Variants in MTFR2 observed in about 807,000 individuals in gnomAD.
MTFR2 encodes mitochondrial fission regulator 2.
MTFR2 carries 44 observed loss-of-function variants against 41.2 expected under a neutral mutation model. The ratio of observed to expected loss-of-function variants is 1.07; its 90% CI spans 0.84 to 1.37. The LOEUF is 1.37. MTFR2 is among the 40% of genes most tolerant of loss of function. The pLI is 0.00. For synonymous variants in MTFR2, 141 were observed against 154.6 expected, an observed-to-expected ratio of 0.91 and a Z score of 0.65; for missense variants, 452 against 459.5, an observed-to-expected ratio of 0.98 and a Z score of 0.15.
At chr6:136,233,197 C>A (rs1274897479) in intron 7 of MTFR2, 128 bp downstream of exon 7, 1 of 671,398 alleles carries the variant, frequency 1.5e-6, no homozygotes, top group Non-Finnish European at 2.3e-6. Flanking sequence ...GAAACATTAG[C>A]AGCATCAATA....
intron 6 of MTFR2, among the ~76,000 whole-genome samples, chr6:136,238,737 T>TA (rs1214366236): frequency 7.3e-5 from 11 of 151,394 alleles, no homozygotes; most frequent in African/African-American, 2.2e-4. Context: ...TTATTAACTC[T>TA]AAAAAAATTA....
chr6:136,237,782 C>T (rs1314440379), intron 6 of MTFR2, among the ~76,000 whole-genome samples: 2 of 151,710 alleles, frequency 1.3e-5, no homozygotes, highest in East Asian at 3.9e-4. Flanking sequence ...TGCCACTGCA[C>T]TCCAGCCCGG....
rs906886239 is a variant in MTFR2, at chr6:136,233,373, C to A, written c.996G>T (p.Glu332Asp). 2.5e-6 allele frequency: 4 copies of A among 1,612,368 alleles called. No individual in the cohort carries two copies. The highest frequency in any genetic ancestry group is 3.4e-6 in the Non-Finnish European group (4 of 1,179,060). ...AFQEDDSFEKENRSWESSPFS... is the reference protein window; with the variant it reads ...AFQEDDSFEKDNRSWESSPFS... ...ATGGGGAAGATTCCCAAGATCTATT[C>A]TCTTTCTCAAAAGAATCATCTTCTT... Residue 332 changes from glutamate to aspartate, a missense_variant, in exon 7 of 8, where the codon GAG becomes GAT. Physicochemically the swap from Glu to Asp is conservative, Grantham distance 45. Transcript: ENST00000420702.
At position 136,249,061 on chromosome 6, in the gene MTFR2, T is replaced by C. The variant is rs1780291389; in HGVS notation, c.39A>G (p.Glu13=). The part of the protein sequence containing the change: ...LILNILREML[E]YFGVPVEQVL... The stretch of plus-strand genomic sequence containing the variant: ...CCTGTTCTACAGGAACGCCAAAATA[T>C]TCCAGCATCTCTCTTAAGATATTCA... Residue 13 remains glutamate (E), a synonymous_variant, in exon 2 of 8, where the codon GAA becomes GAG. Transcript: ENST00000420702. The C allele has an allele frequency of 1.9e-6, 3 of 1,599,246 alleles. No individual in the cohort carries two copies. In the African/African-American group the frequency reaches 4.1e-5, roughly 22 times the overall value.
chr6:136,239,774 T>C lies in MTFR2; in HGVS notation c.561A>G (p.Ser187=). 1.2e-6 allele frequency: 2 copies of C among 1,613,948 alleles called. No individual in the cohort carries two copies. Among genetic ancestry groups the C allele is most frequent in the Non-Finnish European group, 1.7e-6 (2 of 1,179,928 alleles). The part of the protein sequence containing the change: ...SDERISLGQL[S]SSRAAHLSVD... ...CACTCAGATGGGCAGCCCGCGATGA[T>C]GACAGCTGACCCAAACTAATGCGCT... The change falls in exon 6 of 8, where the codon TCA becomes TCG. Residue 187 remains serine (S), a synonymous_variant. Transcript: ENST00000420702.
intron 2 of MTFR2, among the ~76,000 whole-genome samples, chr6:136,246,580 G>A (rs1780218435): frequency 6.6e-6 from 1 of 152,126 alleles, no homozygotes; most frequent in Admixed American, 6.6e-5. Flanking sequence ...ACCACATCTG[G>A]CCATCTTCAC....
intron 4 of MTFR2, 44 bp from the exon 5 acceptor site, chr6:136,241,720 C>T: frequency 7.0e-7 from 1 of 1,435,946 alleles, no homozygotes; most frequent in Non-Finnish European, 9.6e-7. Flanking sequence ...GATATATTTC[C>T]AATCAAAAGA....
chr6:136,246,291 G>GTT (rs992612321), intron 2 of MTFR2, among the ~76,000 whole-genome samples: 3 of 147,324 alleles, frequency 2.0e-5, no homozygotes, highest in Non-Finnish European at 3.0e-5. Context: ...GCTTTTTGAG[G>GTT]TTTTTTTTTT....
At chr6:136,249,188 C>T in intron 1 of MTFR2, 35 bp from the exon 2 acceptor site, 1 of 986,150 alleles carries the variant, frequency 1.0e-6, no homozygotes, top group African/African-American at 1.7e-5. Context: ...TTACTCTTGA[C>T]AAATAAATGC....
In MTFR2 at chr6:136,249,071, TC is replaced by T; in HGVS notation, c.28del (p.Glu10ArgfsTer10). The T allele has an allele frequency of 6.3e-7, 1 of 1,597,674 alleles. No homozygotes were observed. The highest frequency in any genetic ancestry group is 8.5e-7 in the Non-Finnish European group (1 of 1,175,858). On this transcript the variant is annotated frameshift_variant, in exon 2 of 8. Coordinates refer to ENST00000420702, the MANE Select transcript of MTFR2 (RefSeq NM_001099286.3). LOFTEE classifies it high-confidence loss of function. ...AGGAACGCCAAAATATTCCAGCATC[TC>T]TCTTAAGATATTCAGTATGAGAGAC... is the stretch of plus-strand genomic sequence containing the variant. MSLILNILREMLEYFGVPVE... is the reference protein window; with the variant it reads MSLILNILRXMLEYFGVPVE...
intron 5 of MTFR2, among the ~76,000 whole-genome samples, chr6:136,240,814 G>A (rs117995724): frequency 0.06 from 9,098 of 151,892 alleles, 817 homozygotes; most frequent in African/African-American, 0.19. Flanking sequence ...ACTGAGGGCC[G>A]GGCGCGGTGG....
In MTFR2 at chr6:136,231,202, A is replaced by C; in HGVS notation, c.*73T>G. 9.8e-7 allele frequency: 1 copy of C among 1,023,748 alleles called. No homozygotes were observed. The highest frequency in any genetic ancestry group is 1.4e-5 in the South Asian group (1 of 70,082). 63.4% of individuals were successfully genotyped at this position (1,023,748 alleles called of 1,614,324 possible). On this transcript the variant is annotated 3_prime_UTR_variant, in exon 8 of 8. Coordinates refer to ENST00000420702, the MANE Select transcript of MTFR2 (RefSeq NM_001099286.3). ...ATCTACTTTTAGCCTTTAACAGTCC[A>C]AATCAGTTTCTAAGAATAATTTATC...
At chr6:136,239,350 A>G in intron 6 of MTFR2, 116 bp downstream of exon 6, 1 of 717,242 alleles carries the variant, frequency 1.4e-6, no homozygotes, top group Admixed American at 3.1e-5. Context: ...AGAGGTATTC[A>G]GGGGTGAAGA....
chr6:136,242,453 G>A (rs1780104631), intron 4 of MTFR2, among the ~76,000 whole-genome samples: 2 of 152,058 alleles, frequency 1.3e-5, no homozygotes, highest in South Asian at 4.1e-4. Flanking sequence ...AAATCAGCCG[G>A]AATACTTAAA....
Position 136,241,430 on chromosome 6 carries a change from C to G in MTFR2, c.514+14G>C. 6.3e-7 allele frequency: 1 copy of G among 1,597,340 alleles called. No homozygotes were observed. The highest frequency in any genetic ancestry group is 8.6e-7 in the Non-Finnish European group (1 of 1,169,360). On this transcript the variant is annotated intron_variant, in intron 5 of 7. Transcript: ENST00000420702. ...GTATCATCTAACTGAAACAAAAATCCTACTGTTACTTACTAGAATTTGTAC... is the reference window on the plus strand; with the variant it reads ...GTATCATCTAACTGAAACAAAAATCGTACTGTTACTTACTAGAATTTGTAC...
intron 2 of MTFR2, 75 bp from the exon 3 acceptor site, chr6:136,244,944 G>A: frequency 2.7e-6 from 3 of 1,128,398 alleles, no homozygotes; most frequent in Admixed American, 2.8e-5. Flanking sequence ...AAAAGGAGAT[G>A]TAAAAAAGAC....
Position 136,233,508 on chromosome 6 carries a change from T to TAA in MTFR2, c.870-11_870-10dup, listed in dbSNP as rs376346756. On this transcript the variant is annotated splice_polypyrimidine_tract_variant and intron_variant, in intron 6 of 7. Coordinates refer to ENST00000420702, the MANE Select transcript of MTFR2 (RefSeq NM_001099286.3). Reference sequence around the variant, plus strand: ...GTCTACCGCCAGGTGACCTATTTTTTAAAAAAAAAAATTGAATTTATTAAA... The same window carrying TAA: ...GTCTACCGCCAGGTGACCTATTTTTTAAAAAAAAAAAAATTGAATTTATTAAA... The TAA allele has an allele frequency of 6.9e-6, 9 of 1,306,558 alleles. No individual in the cohort carries two copies. The highest frequency in any genetic ancestry group is 2.6e-5 in the Admixed American group (1 of 39,140). The allele number at this position is 1,306,558 out of a possible 1,614,324, so 80.9% of individuals were successfully genotyped here.
chr6:136,241,710 G>T, intron 4 of MTFR2, 34 bp from the exon 5 acceptor site: 1 of 1,484,882 alleles, frequency 6.7e-7, no homozygotes, highest in Non-Finnish European at 9.2e-7. Context: ...ATGGAGGGAA[G>T]ATATATTTCC....
chr6:136,237,720 GA>G (rs1779944821), intron 6 of MTFR2, among the ~76,000 whole-genome samples: 1 of 151,868 alleles, frequency 6.6e-6, no homozygotes, highest in Non-Finnish European at 1.5e-5. Flanking sequence ...TGCAGCAAAA[GA>G]ATTGCTTGAA....
Sources: allele counts gnomAD v4.1 joint callset (sites outside exome capture counted in the v4.1 genomes callset), GRCh38; gene constraint gnomAD v4.1.1; transcripts MANE v1.5; gene names NCBI Gene and HGNC (gene_info 2026-07-23, HGNC 2026-07-21).